GRIN2D: variants seen among roughly 807,000 people sequenced by gnomAD.
The protein encoded by GRIN2D is glutamate receptor ionotropic, NMDA 2D.
Under a neutral mutation model 103.2 loss-of-function variants are expected in GRIN2D, and 37 were observed. The ratio of observed to expected loss-of-function variants is 0.36; its 90% confidence interval spans 0.28 to 0.47. The LOEUF is 0.47. Ranked by LOEUF, GRIN2D falls within the 20% of genes least tolerant of loss-of-function variation. GRIN2D has a pLI of 1.00. For missense variants in GRIN2D, 1,557 were observed against 1,910.6 expected (o/e 0.81, Z 3.45); for synonymous variants, 845 against 885.6 (o/e 0.95, Z 0.81).
rs951326936 is a variant in GRIN2D at position 48,414,096 on chromosome 19, G to T, written c.1191G>T (p.Thr397=). 57 of 1,584,420 alleles carry T rather than the reference G, an allele frequency of 3.6e-5. No homozygotes were observed. Among genetic ancestry groups the T allele is most frequent in the Non-Finnish European group, 4.2e-5 (49 of 1,153,160 alleles). The part of the protein sequence containing the change: ...LVVISLTRDR[T]WEVVGSWEQQ... ...TCATCTCCCTCACCAGAGACAGGAC[G>T]TGGGAGGTGGTGAGTCGTAGCCCCA... The change falls in exon 5 of 14, where the codon ACG becomes ACT. Residue 397 remains threonine, a synonymous_variant. Coordinates refer to ENST00000263269, the MANE Select transcript of GRIN2D (RefSeq NM_000836.4). This position sits in a 1 kb window ranked among gnomAD's most constrained non-coding sequence, Gnocchi z 4.6.
chr19:48,442,387 G>A lies in GRIN2D; in HGVS notation c.2673+5G>A. On this transcript the variant is annotated splice_donor_5th_base_variant and intron_variant, in intron 13 of 13. Coordinates refer to ENST00000263269, the MANE Select transcript of GRIN2D (RefSeq NM_000836.4). The surrounding 1 kb of genome is among the most constrained non-coding windows in gnomAD (Gnocchi z 7.2). ...TTCCTGCTGGCCTTCTCCAGGGTAT[G>A]GGGCAGAGAGGGAGGCAGAGAGGGG... The A allele has an allele frequency of 6.2e-7, 1 of 1,604,152 alleles. No individual in the cohort carries two copies. The highest frequency in any genetic ancestry group is 1.7e-5 in the Admixed American group (1 of 59,962).
At position 48,414,173 on chromosome 19, in the gene GRIN2D, G is replaced by T. The variant is rs536908550; in HGVS notation, c.1200+68G>T. On this transcript the variant is annotated intron_variant, in intron 5 of 13. Transcript: ENST00000263269. The surrounding 1 kb of genome is among the most constrained non-coding windows in gnomAD (Gnocchi z 4.6). ...ACTCCTGCATCCTGGCAGAGGGGGG[G>T]CTTGAGGTCGTGGACTAAGAGGGAG... 1 of 1,043,212 alleles carries T rather than the reference G, an allele frequency of 9.6e-7. No homozygotes were observed. The highest frequency in any genetic ancestry group is 1.5e-6 in the Non-Finnish European group (1 of 674,050). The allele number at this position is 1,043,212 out of a possible 1,614,324, so 64.6% of individuals were successfully genotyped here.
rs1282268596 is a variant in GRIN2D, at chr19:48,442,786, G to A, written c.2860G>A (p.Gly954Ser). 2.3e-5 allele frequency: 25 copies of A among 1,069,836 alleles called. No homozygotes were observed. Among genetic ancestry groups the A allele is most frequent in the African/African-American group, 3.4e-5 (2 of 58,442 alleles). 66.3% of individuals were successfully genotyped at this position (1,069,836 alleles called of 1,614,324 possible). ...GACCAAGGGCGCGGGGCCGCCGGGG[G>A]GCGCGGGCCTGGCCGACGGCTTCCA... ...RRTKGAGPPGGAGLADGFHRY... is the reference protein window; with the variant it reads ...RRTKGAGPPGSAGLADGFHRY... The change falls in exon 14 of 14, where the codon GGC becomes AGC. Residue 954 changes from glycine to serine, a missense_variant. Gly to Ser is a moderately conservative substitution (Grantham distance 56, BLOSUM62 0). Coordinates refer to ENST00000263269, the MANE Select transcript of GRIN2D (RefSeq NM_000836.4). This position sits in a 1 kb window ranked among gnomAD's most constrained non-coding sequence, Gnocchi z 7.2.
At position 48,402,156 on chromosome 19, in the gene GRIN2D, GAAAGAAAGAA is replaced by G. The variant is rs1244493453; in HGVS notation, c.466-2576_466-2567del. On this transcript the variant is annotated intron_variant, in intron 3 of 13. Transcript: ENST00000263269. The stretch of plus-strand genomic sequence containing the variant: ...AGAAAGAAAGAAAGAAAGAAAGAAA[GAAAGAAAGAA>G]AGAGAGAAAAGAAAACAGAGATGGG... Among the ~76,000 whole-genome samples, 1,034 of 142,236 alleles carry G rather than the reference GAAAGAAAGAA, an allele frequency of 7.3e-3. 17 individuals carry two copies. Among genetic ancestry groups the G allele is most frequent in the African/African-American group, 0.019 (746 of 39,254 alleles). The allele number at this position is 142,236 out of a possible 152,430, so 93.3% of individuals were successfully genotyped here.
chr19:48,434,784 A>T (rs1432851763), intron 11 of GRIN2D, among the ~76,000 whole-genome samples: 1 of 150,458 alleles, frequency 6.6e-6, no homozygotes, highest in Non-Finnish European at 1.5e-5. Flanking sequence ...TTTATTTTTT[A>T]TTTTTTTGCC....
chr19:48,438,926 G>C (rs1162505250), intron 11 of GRIN2D, among the ~76,000 whole-genome samples: 2 of 150,852 alleles, frequency 1.3e-5, no homozygotes, highest in African/African-American at 4.9e-5. Flanking sequence ...GAATATAGGT[G>C]CATCACCACA....
At position 48,421,811 on chromosome 19, in the gene GRIN2D, G is replaced by T. The variant is rs768616486; in HGVS notation, c.2118G>T (p.Pro706=). 1 of 1,613,954 alleles carries T rather than the reference G, an allele frequency of 6.2e-7. No homozygotes were observed. Among genetic ancestry groups the T allele is most frequent in the Non-Finnish European group, 8.5e-7 (1 of 1,179,952 alleles). ...RKFQRPQEQY[P]PLKFGTVPNG... ...TCCAGAGGCCCCAGGAGCAGTACCCGCCCCTGAAGTTTGGGACCGTGCCCA... is the reference window on the plus strand; with the variant it reads ...TCCAGAGGCCCCAGGAGCAGTACCCTCCCCTGAAGTTTGGGACCGTGCCCA... The change falls in exon 11 of 14, where the codon CCG becomes CCT. Residue 706 remains proline, a synonymous_variant. Transcript: ENST00000263269. The surrounding 1 kb of genome is among the most constrained non-coding windows in gnomAD (Gnocchi z 4.8).
chr19:48,434,591 A>T (rs921799502), intron 11 of GRIN2D, among the ~76,000 whole-genome samples: 3 of 151,364 alleles, frequency 2.0e-5, no homozygotes, highest in African/African-American at 4.9e-5. Context: ...CTTCTTTTTT[A>T]AAAATTTTTA....
rs1971336258 is a variant in GRIN2D at position 48,443,570 on chromosome 19, C to T, written c.3644C>T (p.Ala1215Val). The stretch of plus-strand genomic sequence containing the variant: ...TGGGCGCCACCGCCTCCACCCTGGG[C>T]CGCCGGGCCCCTGCCCCGACGCCGG... ...GWWAPPPPPW[A>V]AGPLPRRRAR... Residue 1215 changes from alanine (A) to valine (V), a missense_variant, in exon 14 of 14, where the codon GCC (alanine) becomes GTC (valine). Ala to Val is a moderately conservative substitution (Grantham distance 64, BLOSUM62 0). This residue lies in a region of GRIN2D where 632 missense variants were observed against 572.8 expected (regional missense o/e 1.10). Coordinates refer to ENST00000263269, the MANE Select transcript of GRIN2D (RefSeq NM_000836.4). This position sits in a 1 kb window ranked among gnomAD's most constrained non-coding sequence, Gnocchi z 8.9. 8.2e-7 allele frequency: 1 copy of T among 1,224,556 alleles called. No homozygotes were observed. Among genetic ancestry groups the T allele is most frequent in the South Asian group, 3.1e-5 (1 of 32,458 alleles). 75.9% of individuals were successfully genotyped at this position (1,224,556 alleles called of 1,614,324 possible).
intron 11 of GRIN2D, among the ~76,000 whole-genome samples, chr19:48,426,865 G>A (rs112567683): frequency 0.12 from 18,959 of 151,892 alleles, 2,075 homozygotes; most frequent in African/African-American, 0.3. Flanking sequence ...GATTACAGGC[G>A]TGAGCCACCA....
chr19:48,423,751 T>C (rs531995289), intron 11 of GRIN2D, among the ~76,000 whole-genome samples: 1 of 152,148 alleles, frequency 6.6e-6, no homozygotes, highest in South Asian at 2.1e-4. Context: ...GGCTGGACTT[T>C]ATGCTAAAGG....
chr19:48,399,583 G>A (rs1202376893), intron 3 of GRIN2D, among the ~76,000 whole-genome samples: 1 of 152,116 alleles, frequency 6.6e-6, no homozygotes, highest in Non-Finnish European at 1.5e-5. Flanking sequence ...AAAAGAAAAG[G>A]AATGGAGTTC....
rs1971316607 is a variant in GRIN2D at position 48,442,823 on chromosome 19, G to T, written c.2897G>T (p.Gly966Val). Residue 966 changes from glycine to valine, a missense_variant, in exon 14 of 14, where the codon GGC (glycine) becomes GTC (valine). Physicochemically the swap from Gly to Val is moderately radical, Grantham distance 109 (BLOSUM62 -3). This residue lies in a region of GRIN2D where 632 missense variants were observed against 572.8 expected (regional missense o/e 1.10). Transcript: ENST00000263269. The surrounding 1 kb of genome is among the most constrained non-coding windows in gnomAD (Gnocchi z 7.2). The stretch of plus-strand genomic sequence containing the variant: ...GCCGACGGCTTCCACCGCTACTACG[G>T]CCCCATCGAGCCGCAGGGCCTAGGC... Reference protein sequence around the residue: ...GLADGFHRYYGPIEPQGLGLG... With the variant: ...GLADGFHRYYVPIEPQGLGLG... 4.6e-6 allele frequency: 5 copies of T among 1,077,930 alleles called. No individual in the cohort carries two copies. Among genetic ancestry groups the T allele is most frequent in the Non-Finnish European group, 5.6e-6 (5 of 890,842 alleles). The allele number at this position is 1,077,930 out of a possible 1,614,324, so 66.8% of individuals were successfully genotyped here.
chr19:48,439,406 C>T (rs1039157809), intron 11 of GRIN2D, among the ~76,000 whole-genome samples: 1 of 152,094 alleles, frequency 6.6e-6, no homozygotes, highest in Non-Finnish European at 1.5e-5. Flanking sequence ...CTATCAACCC[C>T]GTCCTACATG....
chr19:48,408,739 G>C (rs1216219525), intron 4 of GRIN2D, among the ~76,000 whole-genome samples: 1 of 150,998 alleles, frequency 6.6e-6, no homozygotes, highest in East Asian at 1.9e-4. Flanking sequence ...AGAATCACTT[G>C]AACCTGGGAG....
intron 3 of GRIN2D, among the ~76,000 whole-genome samples, chr19:48,403,483 AT>A (rs1488184100): frequency 6.6e-6 from 1 of 152,146 alleles, no homozygotes; most frequent in East Asian, 1.9e-4. Flanking sequence ...ATTTTATTTA[AT>A]TTTAATTTGA....
chr19:48,402,144 G>T (rs1039666991), intron 3 of GRIN2D, among the ~76,000 whole-genome samples: 2 of 148,814 alleles, frequency 1.3e-5, no homozygotes, highest in South Asian at 2.1e-4. Flanking sequence ...AAGAAAGAAA[G>T]AAAGAAAGAA....
chr19:48,410,511 GA>G (rs1375219895), intron 4 of GRIN2D, among the ~76,000 whole-genome samples: 6 of 126,056 alleles, frequency 4.8e-5, no homozygotes. Flanking sequence ...CTGGGCAACA[GA>G]GTGAGACTCT....
Position 48,398,565 on chromosome 19 carries a change from C to T in GRIN2D, c.173C>T (p.Ser58Leu). ...CCGCTCAACGTGGCGCTCGTGTTCT[C>T]GGGGCCCGCGTACGCGGCCGAGGCG... ...ARPLNVALVF[S>L]GPAYAAEAAR... The change falls in exon 3 of 14, where the codon TCG becomes TTG. Residue 58 changes from serine to leucine, a missense_variant. Transcript: ENST00000263269. The T allele has an allele frequency of 8.5e-7, 1 of 1,176,834 alleles. No individual in the cohort carries two copies. The highest frequency in any genetic ancestry group is 1.0e-6 in the Non-Finnish European group (1 of 953,406). The allele number at this position is 1,176,834 out of a possible 1,614,324, so 72.9% of individuals were successfully genotyped here. A position where few individuals can be genotyped will look rare whatever the true frequency, so the allele number is the denominator to read the frequency against.
Sources: allele counts gnomAD v4.1 joint callset (sites outside exome capture counted in the v4.1 genomes callset), GRCh38; gene constraint gnomAD v4.1.1; regional missense constraint gnomAD v4.1.1; non-coding constraint Gnocchi (gnomAD v3.1); transcripts MANE v1.5; gene names NCBI Gene and HGNC (gene_info 2026-07-23, HGNC 2026-07-21).